The following ISCA1 variants were observed in gnomAD, a reference collection of about 807,000 sequenced individuals.
ISCA1 encodes the protein iron-sulfur cluster assembly 1 homolog, mitochondrial.
In ISCA1, 9 loss-of-function variants were observed where a neutral mutation model predicts 14.7. The ratio of observed to expected loss-of-function variants is 0.61; its 90% CI spans 0.37 to 1.07. The LOEUF is 1.07. Ranked by LOEUF, ISCA1 falls within the 50% of genes least tolerant of loss-of-function variation. The pLI is 0.01. For synonymous variants in ISCA1, 38 were observed against 54.3 expected (o/e 0.70, Z 1.32); for missense variants, 102 against 150.1 (o/e 0.68, Z 1.67).
intron 1 of ISCA1, among the ~76,000 whole-genome samples, chr9:86,274,999 T>C (rs1378466512): frequency 6.6e-6 from 1 of 152,174 alleles, no homozygotes. Context: ...CCAACCCCAC[T>C]TCTTTGGGAA....
chr9:86,279,446 T>C (rs1315497820), intron 1 of ISCA1, among the ~76,000 whole-genome samples: 1 of 152,196 alleles, frequency 6.6e-6, no homozygotes, highest in African/African-American at 2.4e-5. Flanking sequence ...TGTAGGGAAA[T>C]AGGGAAGATG....
At chr9:86,274,891 A>G (rs962038914) in intron 1 of ISCA1, among the ~76,000 whole-genome samples, 7 of 152,214 alleles carry the variant, frequency 4.6e-5, no homozygotes, top group African/African-American at 1.7e-4. Flanking sequence ...AATAAGAACA[A>G]GGAGGAGCTG....
At chr9:86,269,509 T>C (rs980939457) in intron 3 of ISCA1, among the ~76,000 whole-genome samples, 2 of 151,846 alleles carry the variant, frequency 1.3e-5, no homozygotes, top group Non-Finnish European at 2.9e-5. Context: ...AAAATGGCCA[T>C]ACTGCCCAAG....
chr9:86,269,692 T>C (rs1449166290), intron 3 of ISCA1, among the ~76,000 whole-genome samples: 4 of 151,536 alleles, frequency 2.6e-5, no homozygotes, highest in Non-Finnish European at 4.4e-5. Flanking sequence ...CTTCAAACTA[T>C]ACTACAAGGC....
At position 86,265,452 on chromosome 9, in the gene ISCA1, T is replaced by TA. The variant is rs1825283045; in HGVS notation, c.*590dup. On this transcript the variant is annotated 3_prime_UTR_variant, in exon 4 of 4. Transcript: ENST00000375991. The stretch of plus-strand genomic sequence containing the variant: ...ATATAGGGTGGCAAAAGAAATGGAT[T>TA]AAAAAAAGGCGGATGACGTCTTTCT... 1 of 153,834 alleles carries TA rather than the reference T, an allele frequency of 6.5e-6. No individual in the cohort carries two copies. The highest frequency in any genetic ancestry group is 1.4e-5 in the Non-Finnish European group (1 of 69,204). 9.5% of individuals were successfully genotyped at this position (153,834 alleles called of 1,614,324 possible).
intron 1 of ISCA1, among the ~76,000 whole-genome samples, chr9:86,275,810 G>A (rs576717039): frequency 1.3e-5 from 2 of 152,308 alleles, no homozygotes; most frequent in African/African-American, 4.8e-5. Context: ...AGGGTGGAAG[G>A]AGAAAACAGG....
At chr9:86,276,596 A>C (rs1032134119) in intron 1 of ISCA1, among the ~76,000 whole-genome samples, 7 of 152,056 alleles carry the variant, frequency 4.6e-5, no homozygotes, top group Non-Finnish European at 1.5e-5. Context: ...TATTCCCAAC[A>C]CTTTGGGAGG....
intron 1 of ISCA1, among the ~76,000 whole-genome samples, chr9:86,278,368 A>T (rs147653740): frequency 0.014 from 2,063 of 152,318 alleles, 25 homozygotes; most frequent in Middle Eastern, 0.034. Flanking sequence ...TATAATATAC[A>T]AATATATATT....
chr9:86,265,866 T>C lies in ISCA1; in HGVS notation c.*177A>G. The C allele has an allele frequency of 9.9e-7, 1 of 1,015,194 alleles. No homozygotes were observed. The highest frequency in any genetic ancestry group is 1.5e-6 in the Non-Finnish European group (1 of 656,514). 62.9% of individuals were successfully genotyped at this position (1,015,194 alleles called of 1,614,324 possible). A position where few individuals can be genotyped will look rare whatever the true frequency, so the allele number is the denominator to read the frequency against. On this transcript the variant is annotated 3_prime_UTR_variant, in exon 4 of 4. Transcript: ENST00000375991. ...ATCCAAAAAGAGTGATGGCTTCTCA[T>C]TTTCTGTCCCCTATAGAGAATATAA...
At position 86,282,394 on chromosome 9, in the gene ISCA1, C is replaced by T. The variant is rs1007323312; in HGVS notation, c.65G>A (p.Arg22Gln). The stretch of plus-strand genomic sequence containing the variant: ...AGCACTCACCAGGGTGAGGGCTGCC[C>T]GGGTGGGCTGCAGCTTCCTCTTGCT... ...AVSKRKLQPT[R>Q]AALTLTPSAV... The change falls in exon 1 of 4, where the codon CGG (arginine) becomes CAG (glutamine). Residue 22 changes from arginine (R) to glutamine (Q), a missense_variant. Transcript: ENST00000375991. 2 of 1,551,858 alleles carry T rather than the reference C, an allele frequency of 1.3e-6. No individual in the cohort carries two copies. The highest frequency in any genetic ancestry group is 1.7e-6 in the Non-Finnish European group (2 of 1,147,696).
At chr9:86,274,597 G>A (rs934678349) in intron 1 of ISCA1, among the ~76,000 whole-genome samples, 1 of 152,034 alleles carries the variant, frequency 6.6e-6, no homozygotes, top group South Asian at 2.1e-4. Context: ...TGTTGCCTAC[G>A]ACAAAGAGCC....
chr9:86,269,885 C>G (rs1403044710), intron 3 of ISCA1, among the ~76,000 whole-genome samples: 5 of 152,146 alleles, frequency 3.3e-5, no homozygotes, highest in African/African-American at 1.2e-4. Flanking sequence ...AACTGGCTAG[C>G]CATATGCAGA....
In ISCA1 at chr9:86,266,077, C is replaced by T. The variant is rs755775475; in HGVS notation, c.356G>A (p.Gly119Glu). 6.2e-7 allele frequency: 1 copy of T among 1,612,514 alleles called. No homozygotes were observed. The highest frequency in any genetic ancestry group is 8.5e-7 in the Non-Finnish European group (1 of 1,179,734). The change falls in exon 4 of 4, where the codon GGG (glycine) becomes GAG (glutamate). Residue 119 changes from glycine (G) to glutamate (E), a missense_variant. Coordinates refer to ENST00000375991, the MANE Select transcript of ISCA1 (RefSeq NM_030940.4). ...EFVFNNPNIK[G>E]TCGCGESFNI ...AAAGCTTTCTCCACAGCCACAAGTC[C>T]CTTTGATGTTTGGGTTATTGAACAC...
intron 3 of ISCA1, among the ~76,000 whole-genome samples, chr9:86,268,861 C>T (rs911220202): frequency 6.6e-6 from 1 of 152,124 alleles, no homozygotes; most frequent in South Asian, 2.1e-4. Context: ...ATGGCATGGT[C>T]TCGGCTCACT....
At chr9:86,281,487 A>G (rs1288537982) in intron 1 of ISCA1, among the ~76,000 whole-genome samples, 1 of 152,206 alleles carries the variant, frequency 6.6e-6, no homozygotes, top group Admixed American at 6.5e-5. Flanking sequence ...ACGTGATCAT[A>G]AATTTTTCTT....
intron 1 of ISCA1, among the ~76,000 whole-genome samples, chr9:86,280,357 G>A (rs1825494324): frequency 6.6e-6 from 1 of 151,990 alleles, no homozygotes; most frequent in Non-Finnish European, 1.5e-5. Context: ...AGGCTGAGAC[G>A]AGTGGATCAC....
intron 3 of ISCA1, among the ~76,000 whole-genome samples, chr9:86,270,120 C>A (rs1183821554): frequency 1.4e-5 from 2 of 147,776 alleles, no homozygotes; most frequent in Admixed American, 6.8e-5. Context: ...AGAGCTTCTG[C>A]ACAGCAAAAG....
chr9:86,282,264 G>C, intron 1 of ISCA1, 114 bp downstream of exon 1: 5 of 1,171,378 alleles, frequency 4.3e-6, no homozygotes, highest in Admixed American at 3.0e-5. Context: ...GAGCGACGCC[G>C]AGGTCTGACG....
intron 3 of ISCA1, among the ~76,000 whole-genome samples, chr9:86,268,456 A>AG (rs1308671061): frequency 6.6e-6 from 1 of 151,658 alleles, no homozygotes; most frequent in Non-Finnish European, 1.5e-5. Flanking sequence ...AAAAAAAAAA[A>AG]AAAACCCCAA....
Sources: gnomAD v4.1 joint callset for allele counts (sites outside exome capture counted in the v4.1 genomes callset) on GRCh38, gnomAD v4.1.1 for gene constraint, MANE v1.5 for transcripts, NCBI Gene and HGNC (gene_info 2026-07-23, HGNC 2026-07-21) for gene names.